Variants in VMA21 observed in about 807,000 individuals in gnomAD.
The protein encoded by VMA21 is vacuolar ATPase assembly integral membrane protein VMA21.
For synonymous variants in VMA21, 47 were observed against 34.1 expected, an observed-to-expected ratio of 1.38 and a Z score of -1.32; for missense variants, 61 against 80.6, an observed-to-expected ratio of 0.76 and a Z score of 0.93.
chrX:151,400,029 T>TTG (rs2011226001), intron 1 of VMA21, among the ~76,000 whole-genome samples: 1 of 111,291 alleles, frequency 9.0e-6, no homozygotes, highest in African/African-American at 3.3e-5. Context: ...TCACATACTT[T>TTG]TGTGTGTGTG....
Position 151,397,222 on chromosome X carries a change from G to C in VMA21, c.-87G>C. Reference sequence around the variant, plus strand: ...CGAACCGCTACTTCCGGTGCGAACCGCCTCGGCCGTTCCCTCGCGGAGCTT... The same window carrying C: ...CGAACCGCTACTTCCGGTGCGAACCCCCTCGGCCGTTCCCTCGCGGAGCTT... On this transcript the variant is annotated 5_prime_UTR_variant, in exon 1 of 3. Transcript: ENST00000330374. 2 of 1,058,937 alleles carry C rather than the reference G, an allele frequency of 1.9e-6. No homozygotes were observed. Among genetic ancestry groups the C allele is most frequent in the Admixed American group, 2.7e-5 (1 of 36,401 alleles). The allele number at this position is 1,058,937 out of a possible 1,213,427, so 87.3% of individuals were successfully genotyped here. A position where few individuals can be genotyped will look rare whatever the true frequency, so the allele number is the denominator to read the frequency against.
chrX:151,396,751 G>A (rs971508123), upstream of VMA21: 3 of 436,514 alleles, frequency 6.9e-6, no homozygotes, highest in Non-Finnish European at 1.2e-5. Context: ...GAAATAATGC[G>A]CACTGCTTTT....
At position 151,406,625 on chromosome X, in the gene VMA21, C is replaced by A. The variant is rs948586356; in HGVS notation, c.*1567C>A. The A allele has an allele frequency of 1.8e-5, 2 of 111,476 alleles. No homozygotes were observed. The highest frequency in any genetic ancestry group is 6.5e-5 in the African/African-American group (2 of 30,655). 9.2% of individuals were successfully genotyped at this position (111,476 alleles called of 1,213,427 possible). ...TGAACTTGTGACCTCAGGTGATCCACCCGCCTCGGCCTCCGAAAGTGCTGG... is the reference window on the plus strand; with the variant it reads ...TGAACTTGTGACCTCAGGTGATCCAACCGCCTCGGCCTCCGAAAGTGCTGG... On this transcript the variant is annotated 3_prime_UTR_variant, in exon 3 of 3. Transcript: ENST00000330374.
chrX:151,404,137 G>C (rs1200081109), intron 2 of VMA21, among the ~76,000 whole-genome samples: 2 of 107,710 alleles, frequency 1.9e-5, no homozygotes, highest in Non-Finnish European at 3.8e-5. Context: ...GCAATGGCGC[G>C]ATCTCGGCTC....
upstream of VMA21, chrX:151,397,044 C>A (rs1378949865): frequency 4.0e-6 from 2 of 496,032 alleles, no homozygotes; most frequent in South Asian, 5.2e-5. Context: ...GCGCACGCCG[C>A]GGAGCCACCG....
chrX:151,402,309 G>A, intron 1 of VMA21, among the ~76,000 whole-genome samples: 1 of 111,834 alleles, frequency 8.9e-6, no homozygotes, highest in Non-Finnish European at 1.9e-5. Flanking sequence ...GGCCTCCCAA[G>A]TAGCTGGGAC....
Position 151,408,524 on chromosome X carries a change from G to T in VMA21, c.*3466G>T, listed in dbSNP as rs1044556988. On this transcript the variant is annotated 3_prime_UTR_variant, in exon 3 of 3. Coordinates refer to ENST00000330374, the MANE Select transcript of VMA21 (RefSeq NM_001017980.4). Reference sequence around the variant, plus strand: ...CTGACACAGAATTTGTCACTTGTCTGAGGTCAGTGGCAGGTTTCTCTGCTG... The same window carrying T: ...CTGACACAGAATTTGTCACTTGTCTTAGGTCAGTGGCAGGTTTCTCTGCTG... 8.0e-5 allele frequency: 9 copies of T among 112,254 alleles called. No homozygotes were observed. The highest frequency in any genetic ancestry group is 1.7e-4 in the Non-Finnish European group (9 of 53,248). The allele number at this position is 112,254 out of a possible 1,213,427, so 9.3% of individuals were successfully genotyped here.
upstream of VMA21, chrX:151,397,137 T>C (rs1173987986): frequency 5.0e-6 from 2 of 398,635 alleles, no homozygotes; most frequent in Non-Finnish European, 7.7e-6. Context: ...CGCGCCTGCG[T>C]ACTGTGGCCC....
chrX:151,396,883 C>T (rs563995936), upstream of VMA21: 956 of 522,184 alleles, frequency 1.8e-3, 8 homozygotes, highest in South Asian at 0.023. Flanking sequence ...GACCGAGACG[C>T]AGACGAGGAC....
rs1432638072 is a variant in VMA21, at chrX:151,406,207, A to G, written c.*1149A>G. The G allele has an allele frequency of 4.5e-5, 5 of 111,646 alleles. No individual in the cohort carries two copies. Among genetic ancestry groups the G allele is most frequent in the African/African-American group, 1.3e-4 (4 of 30,719 alleles). The allele number at this position is 111,646 out of a possible 1,213,427, so 9.2% of individuals were successfully genotyped here. On this transcript the variant is annotated 3_prime_UTR_variant, in exon 3 of 3. Transcript: ENST00000330374. ...ATGTTGCCATCTAAAAATAACCTCT[A>G]TTTTAGTTGATATCCCGTATTCATT...
chrX:151,404,287 C>T (rs1363607898), intron 2 of VMA21, among the ~76,000 whole-genome samples: 11 of 112,116 alleles, frequency 9.8e-5, no homozygotes, highest in Admixed American at 1.9e-4. Flanking sequence ...GTTGGCCAGG[C>T]TGGTCTCGAA....
Position 151,405,154 on chromosome X carries a change from T to TA in VMA21, c.*99dup. 9.5e-7 allele frequency: 1 copy of TA among 1,054,821 alleles called. No individual in the cohort carries two copies. Among genetic ancestry groups the TA allele is most frequent in the African/African-American group, 1.8e-5 (1 of 54,706 alleles). The allele number at this position is 1,054,821 out of a possible 1,213,427, so 86.9% of individuals were successfully genotyped here. On this transcript the variant is annotated 3_prime_UTR_variant, in exon 3 of 3. Transcript: ENST00000330374. ...TTTGAATAAAGTTGAAAGAACATGT[T>TA]AAAGTCAGTCTTAAGGAGTCACGTT...
At chrX:151,401,858 C>G (rs1161871477) in intron 1 of VMA21, among the ~76,000 whole-genome samples, 3 of 110,921 alleles carry the variant, frequency 2.7e-5, no homozygotes, top group Admixed American at 9.6e-5. Flanking sequence ...ACAATCCTCC[C>G]ACTTCAGCCT....
At position 151,403,704 on chromosome X, in the gene VMA21, G is replaced by T. The variant is rs1246363659; in HGVS notation, c.127G>T (p.Gly43Trp). ...AGCTTTAATGATCACTGTTCCTATTGGGTTATATTTCACAACTAAATCTTA... is the reference window on the plus strand; with the variant it reads ...AGCTTTAATGATCACTGTTCCTATTTGGTTATATTTCACAACTAAATCTTA... ...FTALMITVPIGLYFTTKSYIF... is the reference protein window; with the variant it reads ...FTALMITVPIWLYFTTKSYIF... The change falls in exon 2 of 3, where the codon GGG (glycine) becomes TGG (tryptophan). Residue 43 changes from glycine (G) to tryptophan (W), a missense_variant. By Grantham distance (184) the Gly-to-Trp change is radical. Coordinates refer to ENST00000330374, the MANE Select transcript of VMA21 (RefSeq NM_001017980.4). The T allele has an allele frequency of 8.3e-7, 1 of 1,207,805 alleles. No homozygotes were observed. Among genetic ancestry groups the T allele is most frequent in the Non-Finnish European group, 1.1e-6 (1 of 892,171 alleles).
intron 1 of VMA21, among the ~76,000 whole-genome samples, chrX:151,397,646 C>A (rs1255838898): frequency 8.9e-6 from 1 of 112,883 alleles, no homozygotes; most frequent in Admixed American, 9.3e-5. Flanking sequence ...ATTGCAGTCT[C>A]TTTCATTACC....
rs1268375952 is a variant in VMA21 at position 151,397,317 on chromosome X, C to T, written c.9C>T (p.Arg3=). ME[R]PDKAALNALQ... ...GCCGGCACGGCTACACCATGGAGCG[C>T]CCGGATAAGGCGGCGCTGAACGCAC... The change falls in exon 1 of 3, where the codon CGC becomes CGT. Residue 3 remains arginine (R), a synonymous_variant. Coordinates refer to ENST00000330374, the MANE Select transcript of VMA21 (RefSeq NM_001017980.4). 6.0e-6 allele frequency: 7 copies of T among 1,160,992 alleles called. No individual in the cohort carries two copies. Among genetic ancestry groups the T allele is most frequent in the Admixed American group, 2.6e-5 (1 of 38,818 alleles).
In VMA21 at chrX:151,406,960, A is replaced by G. The variant is rs2011299661; in HGVS notation, c.*1902A>G. On this transcript the variant is annotated 3_prime_UTR_variant, in exon 3 of 3. Coordinates refer to ENST00000330374, the MANE Select transcript of VMA21 (RefSeq NM_001017980.4). Reference sequence around the variant, plus strand: ...TTTTAATTCTTGCTTAAAGACTACAATTTTAGTATAATGACATTTGAGTCT... The same window carrying G: ...TTTTAATTCTTGCTTAAAGACTACAGTTTTAGTATAATGACATTTGAGTCT... 1 of 112,492 alleles carries G rather than the reference A, an allele frequency of 8.9e-6. No homozygotes were observed. The highest frequency in any genetic ancestry group is 3.2e-5 in the African/African-American group (1 of 30,963). 9.3% of individuals were successfully genotyped at this position (112,492 alleles called of 1,213,427 possible).
At chrX:151,403,802 A>T in intron 2 of VMA21, 62 bp downstream of exon 2, 1 of 845,005 alleles carries the variant, frequency 1.2e-6, no homozygotes, top group Non-Finnish European at 1.8e-6. Context: ...TGCTTTTATG[A>T]CCTCTTTATA....
At chrX:151,398,095 C>T (rs2011208142) in intron 1 of VMA21, among the ~76,000 whole-genome samples, 1 of 110,022 alleles carries the variant, frequency 9.1e-6, no homozygotes, top group African/African-American at 3.3e-5. Context: ...GTAATTGAAG[C>T]TAACGTTTGA....
Sources: gnomAD v4.1 joint callset for allele counts (sites outside exome capture counted in the v4.1 genomes callset) on GRCh38, gnomAD v4.1.1 for gene constraint, MANE v1.5 for transcripts, NCBI Gene and HGNC (gene_info 2026-07-23, HGNC 2026-07-21) for gene names.